Variants in SMARCA5 observed in about 807,000 individuals in gnomAD.
SMARCA5 encodes SNF2 related chromatin remodeling ATPase 5.
Under a neutral mutation model 140.4 loss-of-function variants are expected in SMARCA5, and 18 were observed. The observed-to-expected ratio is 0.13, with a 90% CI of 0.09 to 0.19. SMARCA5 has a LOEUF of 0.19. Among genes scored for constraint, SMARCA5 ranks in the 10% least tolerant of loss-of-function variants. The pLI, the probability that SMARCA5 is intolerant of heterozygous loss-of-function variation, is 1.00. For synonymous variants in SMARCA5, 449 were observed against 419.6 expected (o/e 1.07, Z -0.86); for missense variants, 606 against 1,276.8 (o/e 0.47, Z 8.01).
At chr4:143,520,858 G>A (rs1298666963) in intron 2 of SMARCA5, among the ~76,000 whole-genome samples, 1 of 151,904 alleles carries the variant, frequency 6.6e-6, no homozygotes, top group Non-Finnish European at 1.5e-5. Flanking sequence ...ACATTCAAAG[G>A]GGCAGATGGC....
chr4:143,529,346 T>G (rs1737136601), intron 8 of SMARCA5, among the ~76,000 whole-genome samples: 1 of 152,236 alleles, frequency 6.6e-6, no homozygotes, highest in Non-Finnish European at 1.5e-5. Context: ...GTTGACTGGT[T>G]ATGTTTTTAA....
intron 4 of SMARCA5, 21 bp from the exon 5 acceptor site, chr4:143,525,430 G>A (rs1737049633): frequency 2.7e-6 from 4 of 1,466,758 alleles, no homozygotes; most frequent in Non-Finnish European, 3.8e-6. Flanking sequence ...AATGCCTATT[G>A]TGCTTTTCTT....
At chr4:143,525,880 T>C (rs1737057209) in intron 5 of SMARCA5, among the ~76,000 whole-genome samples, 1 of 152,242 alleles carries the variant, frequency 6.6e-6, no homozygotes, top group Non-Finnish European at 1.5e-5. Flanking sequence ...TTCCAGGTGG[T>C]AGCTTGTACA....
chr4:143,546,347 A>G (rs192137244), intron 19 of SMARCA5, among the ~76,000 whole-genome samples: 36 of 152,194 alleles, frequency 2.4e-4, no homozygotes, highest in Non-Finnish European at 2.8e-4. Context: ...ACCATTTTCA[A>G]CTATAAATCT....
Position 143,540,248 on chromosome 4 carries a change from A to AT in SMARCA5, c.1771-110dup, listed in dbSNP as rs1271694011. 38 of 780,834 alleles carry AT rather than the reference A, an allele frequency of 4.9e-5. 1 individual carries two copies. Among genetic ancestry groups the AT allele is most frequent in the Non-Finnish European group, 9.6e-6 (5 of 519,708 alleles). The allele number at this position is 780,834 out of a possible 1,614,324, so 48.4% of individuals were successfully genotyped here. On this transcript the variant is annotated intron_variant, in intron 13 of 23. Coordinates refer to ENST00000283131, the MANE Select transcript of SMARCA5 (RefSeq NM_003601.4). ...CCTTACAGATGCAGTGTTATTACAA[A>AT]TTTTTAAAAGTTTTATATTTCAGAA...
In SMARCA5 at chr4:143,555,291, T is replaced by C; in HGVS notation, c.*2107T>C. The C allele has an allele frequency of 1.3e-6, 1 of 796,866 alleles. No homozygotes were observed. The highest frequency in any genetic ancestry group is 1.7e-5 in the African/African-American group (1 of 59,602). The allele number at this position is 796,866 out of a possible 1,614,324, so 49.4% of individuals were successfully genotyped here. ...TGATTGTTGTCATTGCCAAAATCAT[T>C]GTAGCTTTTACCACCTCCAAAATTG... On this transcript the variant is annotated 3_prime_UTR_variant, in exon 24 of 24. Transcript: ENST00000283131.
At chr4:143,552,292 T>G (rs972546129) in intron 23 of SMARCA5, among the ~76,000 whole-genome samples, 2 of 152,104 alleles carry the variant, frequency 1.3e-5, no homozygotes, top group Admixed American at 6.6e-5. Context: ...AGTTTTTTGA[T>G]GGAGTCTTTA....
chr4:143,529,609 T>G (rs1737142679), intron 8 of SMARCA5, among the ~76,000 whole-genome samples: 1 of 152,302 alleles, frequency 6.6e-6, no homozygotes, highest in East Asian at 1.9e-4. Flanking sequence ...AAATTGCAGT[T>G]TTTTTTGCCT....
At chr4:143,530,659 T>C in intron 9 of SMARCA5, 133 bp downstream of exon 9, 1 of 581,930 alleles carries the variant, frequency 1.7e-6, no homozygotes, top group Non-Finnish European at 3.0e-6. Context: ...TTCTGACACT[T>C]AACTCTTACA....
intron 9 of SMARCA5, 106 bp from the exon 10 acceptor site, chr4:143,534,749 C>T (rs976104641): frequency 2.1e-5 from 15 of 720,244 alleles, no homozygotes; most frequent in Admixed American, 1.1e-4. Context: ...TTGATACTCA[C>T]GCAGAGAAAT....
At chr4:143,549,207 A>G (rs1369987073) in intron 22 of SMARCA5, among the ~76,000 whole-genome samples, 1 of 152,086 alleles carries the variant, frequency 6.6e-6, no homozygotes, top group Non-Finnish European at 1.5e-5. Context: ...AAGATGCACA[A>G]AAAATGATAA....
chr4:143,547,348 A>T, intron 20 of SMARCA5, 37 bp from the exon 21 acceptor site: 2 of 1,049,402 alleles, frequency 1.9e-6, no homozygotes, highest in Non-Finnish European at 2.9e-6. Context: ...AGAAATAAAA[A>T]TATAAATGAT....
At position 143,553,336 on chromosome 4, in the gene SMARCA5, C is replaced by A; in HGVS notation, c.*152C>A. 1 of 539,116 alleles carries A rather than the reference C, an allele frequency of 1.9e-6. No individual in the cohort carries two copies. The highest frequency in any genetic ancestry group is 3.3e-6 in the Non-Finnish European group (1 of 303,794). 33.4% of individuals were successfully genotyped at this position (539,116 alleles called of 1,614,324 possible). ...GAGCTAGAAACATAGTATGTAGTTTCACTTTTTTAAATGCAACAGCTGTGC... is the reference window on the plus strand; with the variant it reads ...GAGCTAGAAACATAGTATGTAGTTTAACTTTTTTAAATGCAACAGCTGTGC... On this transcript the variant is annotated 3_prime_UTR_variant, in exon 24 of 24. Coordinates refer to ENST00000283131, the MANE Select transcript of SMARCA5 (RefSeq NM_003601.4).
chr4:143,516,205 A>ATTTT (rs60061501), intron 1 of SMARCA5, among the ~76,000 whole-genome samples: 4 of 124,412 alleles, frequency 3.2e-5, no homozygotes, highest in African/African-American at 1.2e-4. Context: ...GCATTCATGA[A>ATTTT]TTTTTTTTTT....
Position 143,555,022 on chromosome 4 carries a change from C to T in SMARCA5, c.*1838C>T, listed in dbSNP as rs530589906. On this transcript the variant is annotated 3_prime_UTR_variant, in exon 24 of 24. Coordinates refer to ENST00000283131, the MANE Select transcript of SMARCA5 (RefSeq NM_003601.4). ...AGTTCACAAATCTGTTTTAACCTGTCACTTCCCTGTCACTTCTCTGGCTTT... is the reference window on the plus strand; with the variant it reads ...AGTTCACAAATCTGTTTTAACCTGTTACTTCCCTGTCACTTCTCTGGCTTT... 356 of 515,538 alleles carry T rather than the reference C, an allele frequency of 6.9e-4. 3 individuals carry two copies. In the Middle Eastern group the frequency reaches 7.3e-3, roughly 11 times the overall value. 31.9% of individuals were successfully genotyped at this position (515,538 alleles called of 1,614,324 possible).
At chr4:143,543,721 T>C in intron 15 of SMARCA5, 64 bp downstream of exon 15, 2 of 1,512,148 alleles carry the variant, frequency 1.3e-6, no homozygotes, top group Non-Finnish European at 1.8e-6. Flanking sequence ...AGGAAATATT[T>C]GTTACATTGA....
chr4:143,515,344 TTAAGA>T (rs1428159735), intron 1 of SMARCA5, among the ~76,000 whole-genome samples: 5 of 152,314 alleles, frequency 3.3e-5, no homozygotes, highest in South Asian at 2.1e-4. Context: ...TTTTGAGTGA[TTAAGA>T]TAAGATTACT....
At chr4:143,541,472 T>C (rs1258307183) in intron 14 of SMARCA5, among the ~76,000 whole-genome samples, 1 of 152,196 alleles carries the variant, frequency 6.6e-6, no homozygotes, top group African/African-American at 2.4e-5. Flanking sequence ...CTGAAGACAA[T>C]AAATTATTGC....
chr4:143,535,005 TC>T (rs1737274473), intron 10 of SMARCA5, 41 bp downstream of exon 10: 2 of 1,305,562 alleles, frequency 1.5e-6, no homozygotes, highest in Non-Finnish European at 2.1e-6. Flanking sequence ...TATTGATTCT[TC>T]CCTAAATTTC....
Sources: gnomAD v4.1 joint callset for allele counts (sites outside exome capture counted in the v4.1 genomes callset) on GRCh38, gnomAD v4.1.1 for gene constraint, MANE v1.5 for transcripts, NCBI Gene and HGNC (gene_info 2026-07-23, HGNC 2026-07-21) for gene names.